CACNA1D: variants seen among roughly 807,000 people sequenced by gnomAD.
The protein encoded by CACNA1D is voltage-dependent L-type calcium channel subunit alpha-1D.
CACNA1D carries 55 observed loss-of-function variants against 257.1 expected under a neutral mutation model. The observed-to-expected ratio is 0.21, with a 90% confidence interval of 0.17 to 0.27. The LOEUF (loss-of-function observed/expected upper bound fraction) is 0.27, where lower values mean the gene tolerates loss of function less well. Ranked by LOEUF, CACNA1D falls within the 10% of genes least tolerant of loss-of-function variation. CACNA1D has a pLI of 1.00. For missense variants in CACNA1D, 1,876 were observed against 2,784.0 expected (o/e 0.67, Z 7.34); for synonymous variants, 980 against 1,014.9 (o/e 0.97, Z 0.65).
At chr3:53,741,083 T>G (rs77303933) in intron 21 of CACNA1D, among the ~76,000 whole-genome samples, 2,016 of 152,272 alleles carry the variant, frequency 0.013, 49 homozygotes, top group African/African-American at 0.045. Flanking sequence ...CCATTGCTGC[T>G]TGTGGTTTGT....
At chr3:53,788,317 CAG>C (rs1264866946) in intron 40 of CACNA1D, among the ~76,000 whole-genome samples, 2 of 152,114 alleles carry the variant, frequency 1.3e-5, no homozygotes, top group African/African-American at 4.8e-5. Flanking sequence ...CGACTGAAGA[CAG>C]TGATCTTCCT....
chr3:53,518,780 G>A (rs2091443194), intron 3 of CACNA1D, among the ~76,000 whole-genome samples: 1 of 152,188 alleles, frequency 6.6e-6, no homozygotes. Context: ...AGAATCTTGA[G>A]TGCAATGTGT....
intron 8 of CACNA1D, among the ~76,000 whole-genome samples, chr3:53,698,913 T>A (rs1233264662): frequency 1.3e-5 from 2 of 152,154 alleles, no homozygotes; most frequent in Admixed American, 1.3e-4. Context: ...ATAACAGTTG[T>A]TGGATTTTTA....
rs2094395334 is a variant in CACNA1D at position 53,678,304 on chromosome 3, A to G, written c.1220+5178A>G. Among the ~76,000 whole-genome samples, 5 of 152,214 alleles carry G rather than the reference A, an allele frequency of 3.3e-5. No homozygotes were observed. In the South Asian group the frequency reaches 6.2e-4, roughly 19 times the overall value. ...GAAAAATATTTGAAATACTTTGTTA[A>G]GTAGATCTTGTATGTTGTTAGACAA... On this transcript the variant is annotated intron_variant, in intron 8 of 47. Coordinates refer to ENST00000350061, the MANE Select transcript of CACNA1D (RefSeq NM_001128840.3).
chr3:53,753,179 T>A (rs1235244102), intron 28 of CACNA1D, among the ~76,000 whole-genome samples: 1 of 152,246 alleles, frequency 6.6e-6, no homozygotes, highest in Non-Finnish European at 1.5e-5. Context: ...AAACACTGCC[T>A]TTTATTCAAC....
intron 3 of CACNA1D, among the ~76,000 whole-genome samples, chr3:53,585,736 G>A (rs1412622951): frequency 1.3e-5 from 2 of 152,118 alleles, no homozygotes; most frequent in Non-Finnish European, 2.9e-5. Context: ...AGGGGCTATT[G>A]GGAGGGGCTG....
At chr3:53,698,941 G>A (rs1193716476) in intron 8 of CACNA1D, among the ~76,000 whole-genome samples, 1 of 151,936 alleles carries the variant, frequency 6.6e-6, no homozygotes, top group Non-Finnish European at 1.5e-5. Flanking sequence ...GCAAAAGTCT[G>A]TTGGTTTCTA....
chr3:53,747,277 G>T, intron 25 of CACNA1D, 25 bp from the exon 26 acceptor site: 1 of 1,611,384 alleles, frequency 6.2e-7, no homozygotes, highest in South Asian at 1.1e-5. Flanking sequence ...GAAGCCAGAC[G>T]ACCCACACCT....
chr3:53,531,669 T>A (rs1575773244), intron 3 of CACNA1D, among the ~76,000 whole-genome samples: 1 of 152,222 alleles, frequency 6.6e-6, no homozygotes, highest in African/African-American at 2.4e-5. Flanking sequence ...ATTCTTCCCA[T>A]CACACCCACT....
chr3:53,678,235 A>G (rs2094394905), intron 8 of CACNA1D, among the ~76,000 whole-genome samples: 1 of 152,242 alleles, frequency 6.6e-6, no homozygotes, highest in Non-Finnish European at 1.5e-5. Context: ...AATCATTTAT[A>G]ATTCGCTTAT....
In CACNA1D at chr3:53,673,742, A is replaced by G. The variant is rs764136408; in HGVS notation, c.1220+616A>G. 1.8e-5 allele frequency: 29 copies of G among 1,613,464 alleles called. No individual in the cohort carries two copies. The highest frequency in any genetic ancestry group is 1.8e-5 in the Non-Finnish European group (21 of 1,179,556). ...ATGATGCGATAGGATGGGAATGGCC[A>G]TGGGTGTATTTTGTTAGTCTGATCA... On this transcript the variant is annotated intron_variant, in intron 8 of 47. Coordinates refer to ENST00000350061, the MANE Select transcript of CACNA1D (RefSeq NM_001128840.3). The surrounding 1 kb of genome is among the most constrained non-coding windows in gnomAD (Gnocchi z 4.1).
rs563157442 is a variant in CACNA1D at position 53,547,665 on chromosome 3, G to C, written c.483+45945G>C. 1.9e-3 allele frequency among the ~76,000 whole-genome samples: 289 copies of C among 152,254 alleles called. 2 individuals are homozygous for C. The highest frequency in any genetic ancestry group is 1.8e-3 in the Non-Finnish European group (121 of 68,010). ...AGAAACGAGGCAGGGAAGTTTCTCC[G>C]AGGAGGCACATTTTGAACCCGCTGT... On this transcript the variant is annotated intron_variant, in intron 3 of 47. Transcript: ENST00000350061.
chr3:53,579,353 T>C (rs1384336034), intron 3 of CACNA1D, among the ~76,000 whole-genome samples: 1 of 152,214 alleles, frequency 6.6e-6, no homozygotes. Flanking sequence ...TCTTTCCTTA[T>C]TTAATTTTGA....
At position 53,761,910 on chromosome 3, in the gene CACNA1D, G is replaced by T. The variant is rs1396903266; in HGVS notation, c.3787-88G>T. 2.5e-5 allele frequency: 23 copies of T among 918,354 alleles called. 1 individual carries two copies. In the Admixed American group the frequency reaches 4.0e-4, roughly 16 times the overall value. 56.9% of individuals were successfully genotyped at this position (918,354 alleles called of 1,614,324 possible). On this transcript the variant is annotated intron_variant, in intron 29 of 47. Transcript: ENST00000350061. ...ACCCTACCTGGGTGCCATGGGTGCG[G>T]CAGGGACTCGGATTCGCCCCTATAC...
chr3:53,810,758 C>G, intron 47 of CACNA1D, among the ~76,000 whole-genome samples: 1 of 68,286 alleles, frequency 1.5e-5, no homozygotes, highest in African/African-American at 8.4e-5. Context: ...ACTCTTGTCT[C>G]AAAAAAAAAA....
chr3:53,636,743 C>G (rs2093888793), intron 3 of CACNA1D, among the ~76,000 whole-genome samples: 1 of 152,234 alleles, frequency 6.6e-6, no homozygotes, highest in Admixed American at 6.5e-5. Context: ...AAACAATCCT[C>G]TCTCCTCCAT....
chr3:53,571,390 A>C (rs3821849), intron 3 of CACNA1D, among the ~76,000 whole-genome samples: 2 of 152,218 alleles, frequency 1.3e-5, no homozygotes, highest in Non-Finnish European at 2.9e-5. Context: ...AAATACTTAG[A>C]CTGTGCCTTG....
intron 3 of CACNA1D, among the ~76,000 whole-genome samples, chr3:53,601,385 T>A (rs931001831): frequency 6.6e-6 from 1 of 152,202 alleles, no homozygotes; most frequent in African/African-American, 2.4e-5. Context: ...GATCTACCCC[T>A]CTTGGGGCTG....
At chr3:53,554,575 G>A (rs781286256) in intron 3 of CACNA1D, among the ~76,000 whole-genome samples, 7 of 152,258 alleles carry the variant, frequency 4.6e-5, no homozygotes, top group East Asian at 1.9e-4. Flanking sequence ...TTTCGTTACC[G>A]TTTCCTAGGT....
Sources: gnomAD v4.1 joint callset for allele counts (sites outside exome capture counted in the v4.1 genomes callset) on GRCh38, gnomAD v4.1.1 for gene constraint, Gnocchi (gnomAD v3.1) non-coding constraint, MANE v1.5 for transcripts, NCBI Gene and HGNC (gene_info 2026-07-23, HGNC 2026-07-21) for gene names.